ENPEP: variants seen among roughly 807,000 people sequenced by gnomAD.
The protein encoded by ENPEP is AP-A.
In ENPEP, 103 loss-of-function variants were observed where a neutral mutation model predicts 114.5. The observed-to-expected ratio is 0.90, with a 90% CI of 0.77 to 1.06. The LOEUF (loss-of-function observed/expected upper bound fraction) is 1.06. Among genes scored for constraint, ENPEP ranks in the 50% least tolerant of loss-of-function variants. The pLI, the probability that ENPEP is intolerant of heterozygous loss-of-function variation, is 0.00. For missense variants in ENPEP, 1,196 were observed against 1,161.3 expected, an observed-to-expected ratio of 1.03 and a Z score of -0.43; for synonymous variants, 420 against 422.0, an observed-to-expected ratio of 1.00 and a Z score of 0.06.
intron 11 of ENPEP, among the ~76,000 whole-genome samples, chr4:110,539,959 G>A (rs927747275): frequency 6.6e-6 from 1 of 151,940 alleles, no homozygotes; most frequent in East Asian, 1.9e-4. Flanking sequence ...AATTAAAGAG[G>A]CTCTCGATGA....
chr4:110,494,736 C>T (rs914937708), intron 3 of ENPEP, among the ~76,000 whole-genome samples: 3 of 152,148 alleles, frequency 2.0e-5, no homozygotes, highest in Non-Finnish European at 2.9e-5. Flanking sequence ...TCTTTTCACT[C>T]TTCATATTTT....
chr4:110,485,901 T>C (rs779963865), intron 1 of ENPEP, among the ~76,000 whole-genome samples: 2 of 152,160 alleles, frequency 1.3e-5, no homozygotes, highest in Non-Finnish European at 2.9e-5. Context: ...CACATTGTGC[T>C]GGTTTGAACT....
At chr4:110,526,598 C>T (rs1403759882) in intron 10 of ENPEP, among the ~76,000 whole-genome samples, 1 of 152,134 alleles carries the variant, frequency 6.6e-6, no homozygotes, top group East Asian at 1.9e-4. Flanking sequence ...ACCAGGTATG[C>T]AGACCATGTT....
chr4:110,504,838 A>G (rs1420202030), intron 3 of ENPEP, among the ~76,000 whole-genome samples: 1 of 152,238 alleles, frequency 6.6e-6, no homozygotes, highest in African/African-American at 2.4e-5. Flanking sequence ...GAAAGAACAC[A>G]TTGAGTCTGT....
chr4:110,496,682 A>T (rs1227650433), intron 3 of ENPEP, among the ~76,000 whole-genome samples: 1 of 152,136 alleles, frequency 6.6e-6, no homozygotes, highest in Non-Finnish European at 1.5e-5. Context: ...TTTTAAGAGT[A>T]CTGTTCAGGT....
chr4:110,550,884 A>G (rs1019742638), intron 17 of ENPEP, among the ~76,000 whole-genome samples: 1 of 152,090 alleles, frequency 6.6e-6, no homozygotes, highest in African/African-American at 2.4e-5. Context: ...GGTAGAGCCA[A>G]TAATATACCT....
chr4:110,539,175 C>A (rs1482981404), intron 11 of ENPEP, among the ~76,000 whole-genome samples: 1 of 152,154 alleles, frequency 6.6e-6, no homozygotes, highest in Non-Finnish European at 1.5e-5. Flanking sequence ...TTGCTACAAA[C>A]CTTCAATTTG....
At chr4:110,500,315 G>A (rs1408191495) in intron 3 of ENPEP, among the ~76,000 whole-genome samples, 1 of 152,146 alleles carries the variant, frequency 6.6e-6, no homozygotes, top group African/African-American at 2.4e-5. Flanking sequence ...CTATGTTAAA[G>A]CAGATATGTC....
intron 11 of ENPEP, among the ~76,000 whole-genome samples, chr4:110,535,225 G>C (rs1726566362): frequency 1.3e-5 from 2 of 152,066 alleles, no homozygotes; most frequent in African/African-American, 4.8e-5. Context: ...GAGGTGGTGC[G>C]GACTCTACAA....
At chr4:110,504,076 T>A (rs1004822252) in intron 3 of ENPEP, among the ~76,000 whole-genome samples, 5 of 152,184 alleles carry the variant, frequency 3.3e-5, no homozygotes, top group African/African-American at 4.8e-5. Context: ...AAGCTCAGGC[T>A]TTATGCTCCT....
At chr4:110,526,232 T>C (rs960706624) in intron 10 of ENPEP, among the ~76,000 whole-genome samples, 22 of 152,056 alleles carry the variant, frequency 1.4e-4, no homozygotes, top group Non-Finnish European at 2.4e-4. Flanking sequence ...GCCAAGATCA[T>C]GCTACTGCAC....
rs1727156002 is a variant in ENPEP, at chr4:110,548,283, T to G, written c.2108T>G (p.Ile703Ser). The G allele has an allele frequency of 1.2e-6, 2 of 1,604,840 alleles. No individual in the cohort carries two copies. The highest frequency in any genetic ancestry group is 4.5e-5 in the East Asian group (2 of 44,446). The change falls in exon 14 of 20, where the codon ATT becomes AGT. Residue 703 changes from isoleucine (I) to serine (S), a missense_variant. Ile to Ser is a moderately radical substitution (Grantham distance 142, BLOSUM62 -2). Transcript: ENST00000265162. ...GTAATTTCAGCTGTAACCTACATCA[T>G]TAGCATGTTTGAAGATGATAAAGAG... ...QRVISAVTYI[I>S]SMFEDDKELY...
intron 4 of ENPEP, among the ~76,000 whole-genome samples, chr4:110,507,714 G>A (rs1048462629): frequency 2.0e-5 from 3 of 152,220 alleles, no homozygotes; most frequent in Admixed American, 1.3e-4. Context: ...AGTGGCTCAC[G>A]CCTGTAATCC....
chr4:110,480,083 G>A (rs1042118212), intron 1 of ENPEP, among the ~76,000 whole-genome samples: 6 of 152,160 alleles, frequency 3.9e-5, no homozygotes, highest in African/African-American at 1.4e-4. Flanking sequence ...TGGCAACATC[G>A]GTGAGGAAGG....
chr4:110,477,276 A>C (rs539876310), intron 1 of ENPEP, among the ~76,000 whole-genome samples: 1 of 152,328 alleles, frequency 6.6e-6, no homozygotes, highest in South Asian at 2.1e-4. Flanking sequence ...TGAGCTTCGT[A>C]GAGTCAAAAG....
chr4:110,539,221 A>T (rs1726757138), intron 11 of ENPEP, among the ~76,000 whole-genome samples: 1 of 152,170 alleles, frequency 6.6e-6, no homozygotes, highest in South Asian at 2.1e-4. Flanking sequence ...CAATAAAGTG[A>T]CTTCTCTCTA....
At chr4:110,486,677 T>G (rs2110334896) in intron 1 of ENPEP, among the ~76,000 whole-genome samples, 1 of 152,306 alleles carries the variant, frequency 6.6e-6, no homozygotes, top group Non-Finnish European at 1.5e-5. Context: ...TCCTAAGTTA[T>G]TTATTTATTT....
Position 110,520,219 on chromosome 4 carries a change from G to A in ENPEP, c.1580G>A (p.Ser527Asn). ...SDFWAALEEA[S>N]RLPVKEVMDT... ...CCATTTTGTTTTCAATCTTAGGCAA[G>A]TAGGCTACCAGTGAAAGAAGTAATG... is the stretch of plus-strand genomic sequence containing the variant. The change falls in exon 10 of 20, where the codon AGT (serine) becomes AAT (asparagine). Residue 527 changes from serine to asparagine, a missense_variant. Ser to Asn is a conservative substitution (Grantham distance 46). Transcript: ENST00000265162. The A allele has an allele frequency of 2.5e-6, 4 of 1,613,460 alleles. No individual in the cohort carries two copies. Among genetic ancestry groups the A allele is most frequent in the Non-Finnish European group, 3.4e-6 (4 of 1,179,638 alleles).
rs765638210 is a variant in ENPEP, at chr4:110,549,621, T to C, written c.2319T>C (p.Asn773=). 3.1e-6 allele frequency: 5 copies of C among 1,613,562 alleles called. No individual in the cohort carries two copies. Among genetic ancestry groups the C allele is most frequent in the Non-Finnish European group, 4.2e-6 (5 of 1,179,652 alleles). Residue 773 remains asparagine (N), a synonymous_variant, in exon 16 of 20, where the codon AAT becomes AAC. Transcript: ENST00000265162. The stretch of plus-strand genomic sequence containing the variant: ...CCTCGTTATTTGAGCAGTGGCTAAA[T>C]GGGACTGTAAGGTGATTACTCACAT... ...NASSLFEQWL[N]GTVSLPVNLR...
Sources: gnomAD v4.1 joint callset for allele counts (sites outside exome capture counted in the v4.1 genomes callset) on GRCh38, gnomAD v4.1.1 for gene constraint, MANE v1.5 for transcripts, NCBI Gene and HGNC (gene_info 2026-07-23, HGNC 2026-07-21) for gene names.